Variants in ST8SIA4 observed in about 807,000 individuals in gnomAD.
ST8SIA4 encodes the protein CMP-N-acetylneuraminate-poly-alpha-2,8-sialyltransferase.
Under a neutral mutation model 33.9 loss-of-function variants are expected in ST8SIA4, and 15 were observed. That is an observed-to-expected ratio of 0.44 (90% CI 0.30 to 0.68). The LOEUF is 0.68. ST8SIA4 is among the 30% of genes least tolerant of loss of function. ST8SIA4 has a pLI of 0.10. For missense variants in ST8SIA4, 321 were observed against 428.0 expected, an observed-to-expected ratio of 0.75 and a Z score of 2.21; for synonymous variants, 171 against 151.2, an observed-to-expected ratio of 1.13 and a Z score of -0.96.
chr5:100,856,152 T>G lies in ST8SIA4; in HGVS notation c.748A>C (p.Lys250Gln), dbSNP rs745610463. The G allele has an allele frequency of 6.2e-7, 1 of 1,613,986 alleles. No homozygotes were observed. The highest frequency in any genetic ancestry group is 1.3e-5 in the African/African-American group (1 of 74,910). ...VNALILKNKL[K>Q]VRTAYPSLRL... The stretch of plus-strand genomic sequence containing the variant: ...AATGACGGATAGGCAGTTCGCACTT[T>G]CAGTTTATTCTTAAGGATTAATGCA... The change falls in exon 4 of 5, where the codon AAA becomes CAA. Residue 250 changes from lysine to glutamine, a missense_variant. Physicochemically the swap from Lys to Gln is moderately conservative, Grantham distance 53 (BLOSUM62 1). Transcript: ENST00000231461.
chr5:100,842,370 G>A (rs1751487788), intron 4 of ST8SIA4, among the ~76,000 whole-genome samples: 1 of 151,756 alleles, frequency 6.6e-6, no homozygotes, highest in Admixed American at 6.6e-5. Flanking sequence ...TTTATTAATG[G>A]AGACTTGCTG....
intron 3 of ST8SIA4, among the ~76,000 whole-genome samples, chr5:100,861,026 T>C (rs1489834788): frequency 1.3e-5 from 2 of 152,186 alleles, no homozygotes; most frequent in Non-Finnish European, 2.9e-5. Context: ...AAGTATTAAA[T>C]AACTAATTGA....
chr5:100,848,752 G>T lies in ST8SIA4; in HGVS notation c.797+7351C>A, dbSNP rs559594583. 3.5e-3 allele frequency among the ~76,000 whole-genome samples: 533 copies of T among 150,416 alleles called. 2 individuals are homozygous for T. Among genetic ancestry groups the T allele is most frequent in the African/African-American group, 0.012 (486 of 41,212 alleles). On this transcript the variant is annotated intron_variant, in intron 4 of 4. Transcript: ENST00000231461. Reference sequence around the variant, plus strand: ...TCCACAATTGACATTTATCAAAAAAGTTACGCATTTTTAAAAAAATTAATA... The same window carrying T: ...TCCACAATTGACATTTATCAAAAAATTTACGCATTTTTAAAAAAATTAATA...
intron 3 of ST8SIA4, among the ~76,000 whole-genome samples, chr5:100,857,636 T>C (rs569663391): frequency 3.3e-5 from 5 of 152,146 alleles, no homozygotes; most frequent in Admixed American, 6.5e-5. Context: ...TTTCTCTTCC[T>C]TGTGTATTTT....
intron 3 of ST8SIA4, among the ~76,000 whole-genome samples, chr5:100,867,002 G>A (rs1752080853): frequency 6.6e-6 from 1 of 152,040 alleles, no homozygotes; most frequent in Non-Finnish European, 1.5e-5. Flanking sequence ...GAATTAGCAT[G>A]TGATTGTTTT....
intron 4 of ST8SIA4, among the ~76,000 whole-genome samples, chr5:100,831,809 A>T (rs917820923): frequency 9.2e-5 from 14 of 152,136 alleles, no homozygotes; most frequent in African/African-American, 2.7e-4. Flanking sequence ...TATATTTTTT[A>T]AAAATTTTCT....
intron 4 of ST8SIA4, among the ~76,000 whole-genome samples, chr5:100,840,670 A>G (rs1017497721): frequency 1.3e-5 from 2 of 151,706 alleles, no homozygotes; most frequent in Non-Finnish European, 2.9e-5. Flanking sequence ...TGCCTATATT[A>G]TCTCCTGACT....
At chr5:100,895,621 T>A in intron 2 of ST8SIA4, 33 bp downstream of exon 2, 1 of 1,588,238 alleles carries the variant, frequency 6.3e-7, no homozygotes, top group Non-Finnish European at 8.6e-7. Flanking sequence ...GAACATGATG[T>A]GAAATTTATT....
At chr5:100,898,830 G>T (rs1416583272) in intron 1 of ST8SIA4, among the ~76,000 whole-genome samples, 2 of 152,098 alleles carry the variant, frequency 1.3e-5, no homozygotes, top group African/African-American at 2.4e-5. Context: ...TATTGCATAG[G>T]ATCATCTACA....
Position 100,903,041 on chromosome 5 carries a change from G to A in ST8SIA4, c.-86C>T. Reference sequence around the variant, plus strand: ...CTCCGTTTTGGGGAGATAGTCGCGGGGGTGAAATCTGTAAAATGCGAGGAG... The same window carrying A: ...CTCCGTTTTGGGGAGATAGTCGCGGAGGTGAAATCTGTAAAATGCGAGGAG... On this transcript the variant is annotated 5_prime_UTR_variant, in exon 1 of 5. Transcript: ENST00000231461. 2 of 951,064 alleles carry A rather than the reference G, an allele frequency of 2.1e-6. No individual in the cohort carries two copies. Among genetic ancestry groups the A allele is most frequent in the Non-Finnish European group, 3.4e-6 (2 of 596,422 alleles). The allele number at this position is 951,064 out of a possible 1,614,324, so 58.9% of individuals were successfully genotyped here.
At chr5:100,838,391 C>A (rs1751406202) in intron 4 of ST8SIA4, among the ~76,000 whole-genome samples, 1 of 151,776 alleles carries the variant, frequency 6.6e-6, no homozygotes, top group African/African-American at 2.4e-5. Context: ...TCTTCTACAA[C>A]CAGAAGAAGG....
chr5:100,874,374 A>T (rs1752261205), intron 3 of ST8SIA4, among the ~76,000 whole-genome samples: 1 of 152,158 alleles, frequency 6.6e-6, no homozygotes, highest in Non-Finnish European at 1.5e-5. Context: ...AAAACTAAAT[A>T]TAGAAAAGCT....
At chr5:100,839,121 C>G (rs1325703207) in intron 4 of ST8SIA4, among the ~76,000 whole-genome samples, 1 of 151,928 alleles carries the variant, frequency 6.6e-6, no homozygotes, top group East Asian at 1.9e-4. Context: ...AGCCACCACA[C>G]CCACCCATTT....
At chr5:100,847,877 A>G (rs1052499475) in intron 4 of ST8SIA4, among the ~76,000 whole-genome samples, 2 of 152,070 alleles carry the variant, frequency 1.3e-5, no homozygotes, top group Non-Finnish European at 2.9e-5. Context: ...TAAAATATCA[A>G]TGTTCTAGCA....
rs538981689 is a variant in ST8SIA4, at chr5:100,821,630, G to C, written c.798-9501C>G. 3.5e-5 allele frequency among the ~76,000 whole-genome samples: 5 copies of C among 143,176 alleles called. No homozygotes were observed. The East Asian group carries it at 1.1e-3, about 30-fold the overall frequency. The allele number at this position is 143,176 out of a possible 152,430, so 93.9% of individuals were successfully genotyped here. A position where few individuals can be genotyped will look rare whatever the true frequency, so the allele number is the denominator to read the frequency against. On this transcript the variant is annotated intron_variant, in intron 4 of 4. Coordinates refer to ENST00000231461, the MANE Select transcript of ST8SIA4 (RefSeq NM_005668.6). ...AAGAAAAGTAAGGAACAACAAATGT[G>C]ATCTATATTCCATTGAATAATGTAA...
intron 3 of ST8SIA4, among the ~76,000 whole-genome samples, chr5:100,859,477 A>C (rs1419072623): frequency 6.6e-6 from 1 of 152,104 alleles, no homozygotes; most frequent in Non-Finnish European, 1.5e-5. Context: ...TGACATGTTG[A>C]AAACATATAC....
intron 3 of ST8SIA4, 57 bp downstream of exon 3, chr5:100,886,286 C>T (rs1433515235): frequency 2.5e-6 from 4 of 1,571,772 alleles, no homozygotes; most frequent in Admixed American, 3.7e-5. Flanking sequence ...AGTTTTCCAC[C>T]CCCAAGTAAA....
intron 3 of ST8SIA4, among the ~76,000 whole-genome samples, chr5:100,857,292 G>A (rs1045296950): frequency 1.3e-5 from 2 of 151,686 alleles, no homozygotes; most frequent in East Asian, 3.9e-4. Context: ...GCTTTGAAAA[G>A]CACCTTGAAT....
intron 4 of ST8SIA4, among the ~76,000 whole-genome samples, chr5:100,834,032 A>G (rs1580454595): frequency 1.3e-5 from 2 of 152,214 alleles, no homozygotes; most frequent in East Asian, 3.8e-4. Context: ...ATTAAAGGAT[A>G]TTGAAGAGAT....
Sources: allele counts gnomAD v4.1 joint callset (sites outside exome capture counted in the v4.1 genomes callset), GRCh38; gene constraint gnomAD v4.1.1; transcripts MANE v1.5; gene names NCBI Gene and HGNC (gene_info 2026-07-23, HGNC 2026-07-21).